The following LINS1 variants were observed in gnomAD, a reference collection of about 807,000 sequenced individuals.
LINS1 encodes the protein lines homolog 1, also known as protein Lines homolog 1.
In LINS1, 27 loss-of-function variants were observed where a neutral mutation model predicts 41.6. The observed-to-expected ratio is 0.65, with a 90% CI of 0.48 to 0.89. LINS1 has a LOEUF of 0.89. Ranked by LOEUF, LINS1 falls within the 40% of genes least tolerant of loss-of-function variation. The pLI is 0.00. For synonymous variants in LINS1, 336 were observed against 312.9 expected, an observed-to-expected ratio of 1.07 and a Z score of -0.78; for missense variants, 955 against 884.1, an observed-to-expected ratio of 1.08 and a Z score of -1.02.
At chr15:100,586,232 T>G (rs1483663495) in intron 1 of LINS1, 1 of 152,254 alleles carries the variant, frequency 6.6e-6, no homozygotes, top group Non-Finnish European at 1.5e-5. Context: ...ACCTGTGACC[T>G]GGAAGCCCCC....
At chr15:100,590,093 T>G (rs1242076245) in intron 1 of LINS1, among the ~76,000 whole-genome samples, 1 of 152,116 alleles carries the variant, frequency 6.6e-6, no homozygotes, top group Non-Finnish European at 1.5e-5. Flanking sequence ...ACCCTTAAGG[T>G]AAAGCTAACC....
intron 5 of LINS1, chr15:100,573,389 T>C: frequency 7.9e-7 from 1 of 1,261,494 alleles, no homozygotes; most frequent in Non-Finnish European, 1.0e-6. Context: ...TCACTTACTT[T>C]GAGATGACTC....
At chr15:100,598,760 C>A (rs2039352017) in intron 1 of LINS1, among the ~76,000 whole-genome samples, 1 of 152,208 alleles carries the variant, frequency 6.6e-6, no homozygotes, top group South Asian at 2.1e-4. Flanking sequence ...AAATGATGGG[C>A]TCCAAACTGT....
chr15:100,579,691 GA>G (rs35336764), intron 3 of LINS1, among the ~76,000 whole-genome samples: 59,090 of 151,912 alleles, frequency 0.39, 12,124 homozygotes, highest in Non-Finnish European at 0.47. Flanking sequence ...TCAGAGATAA[GA>G]GAAAAACTCA....
intron 1 of LINS1, among the ~76,000 whole-genome samples, chr15:100,584,264 C>T (rs2038698093): frequency 1.3e-5 from 2 of 149,384 alleles, no homozygotes; most frequent in Non-Finnish European, 3.0e-5. Flanking sequence ...TATTTAAATG[C>T]TATAGCAATA....
chr15:100,581,978 C>G (rs1266884964), intron 1 of LINS1, among the ~76,000 whole-genome samples: 1 of 152,262 alleles, frequency 6.6e-6, no homozygotes, highest in Non-Finnish European at 1.5e-5. Context: ...ATTTCACACT[C>G]TTGAAATTTA....
intron 3 of LINS1, among the ~76,000 whole-genome samples, chr15:100,576,977 C>T (rs569722018): frequency 4.6e-5 from 7 of 151,974 alleles, no homozygotes; most frequent in Admixed American, 2.0e-4. Context: ...ATTCAACAAC[C>T]CTTCATGCTA....
intron 1 of LINS1, among the ~76,000 whole-genome samples, chr15:100,585,465 T>G (rs111273603): frequency 7.4e-4 from 112 of 152,360 alleles, no homozygotes; most frequent in African/African-American, 2.6e-3. Context: ...TGCTCTCGTT[T>G]GGAACTGTTT....
intron 4 of LINS1, among the ~76,000 whole-genome samples, chr15:100,574,714 T>C (rs867161337): frequency 1.3e-5 from 2 of 152,058 alleles, no homozygotes; most frequent in Non-Finnish European, 2.9e-5. Flanking sequence ...CTCAAAAAAA[T>C]AAAACAAAAC....
At chr15:100,589,736 T>C (rs8031257) in intron 1 of LINS1, among the ~76,000 whole-genome samples, 5,477 of 152,308 alleles carry the variant, frequency 0.036, 292 homozygotes, top group African/African-American at 0.12. Context: ...TTCAGGTACA[T>C]TTGGTCACCT....
At chr15:100,575,955 A>G (rs1011998141) in intron 3 of LINS1, among the ~76,000 whole-genome samples, 2 of 152,234 alleles carry the variant, frequency 1.3e-5, no homozygotes, top group African/African-American at 4.8e-5. Flanking sequence ...AGGCAGAAAT[A>G]AAGATGTTCT....
At chr15:100,573,371 G>A (rs1427505388) in intron 5 of LINS1, 8 of 1,223,148 alleles carry the variant, frequency 6.5e-6, no homozygotes, top group Non-Finnish European at 8.3e-6. Context: ...AATATGAATT[G>A]ATTTCCATCA....
In LINS1 at chr15:100,573,192, G is replaced by A. The variant is rs547058260; in HGVS notation, c.1222+459C>T. On this transcript the variant is annotated intron_variant, in intron 5 of 6. Transcript: ENST00000314742. The stretch of plus-strand genomic sequence containing the variant: ...CTGGAGTGCAGGTGTGCGATGGGTC[G>A]CGGCTCACTGTAGCCTTGATCTCCC... 5.5e-3 allele frequency: 990 copies of A among 180,422 alleles called. 11 individuals are homozygous for A. The highest frequency in any genetic ancestry group is 0.022 in the African/African-American group (942 of 42,112). 11.2% of individuals were successfully genotyped at this position (180,422 alleles called of 1,614,324 possible).
rs764655480 is a variant in LINS1 at position 100,569,612 on chromosome 15, C to T, written c.1900G>A (p.Asp634Asn). ...QSLVDYDSSD[D>N]SDVESTEQCL... ...TGCTCTGTGGATTCCACGTCAGAATCGTCAGAGCTGTCGTAATCTACCAGA... is the reference window on the plus strand; with the variant it reads ...TGCTCTGTGGATTCCACGTCAGAATTGTCAGAGCTGTCGTAATCTACCAGA... The change falls in exon 7 of 7, where the codon GAT (aspartate) becomes AAT (asparagine). Residue 634 changes from aspartate to asparagine, a missense_variant. By Grantham distance (23) the Asp-to-Asn change is conservative. Transcript: ENST00000314742. 1.9e-6 allele frequency: 3 copies of T among 1,613,434 alleles called. No homozygotes were observed. The highest frequency in any genetic ancestry group is 1.1e-5 in the South Asian group (1 of 91,038).
At position 100,569,122 on chromosome 15, in the gene LINS1, CAAAAA is replaced by C. The variant is rs56225071; in HGVS notation, c.*111_*115del. 1.4e-4 allele frequency: 67 copies of C among 477,236 alleles called. No individual in the cohort carries two copies. The highest frequency in any genetic ancestry group is 6.3e-4 in the African/African-American group (24 of 38,126). The allele number at this position is 477,236 out of a possible 1,614,324, so 29.6% of individuals were successfully genotyped here. ...TGAGCGACAGAATGAGATTCTGTCT[CAAAAA>C]AAAAAAAAAAAAAGAAAACCCTTTT... On this transcript the variant is annotated 3_prime_UTR_variant, in exon 7 of 7. Transcript: ENST00000314742.
chr15:100,573,320 A>T (rs1263933035), intron 5 of LINS1: 2 of 1,068,178 alleles, frequency 1.9e-6, no homozygotes, highest in Non-Finnish European at 2.3e-6. Flanking sequence ...AGATTAAAAA[A>T]AAAAAAAGGA....
At chr15:100,597,364 A>T (rs562284636) in intron 1 of LINS1, among the ~76,000 whole-genome samples, 37 of 152,248 alleles carry the variant, frequency 2.4e-4, no homozygotes, top group African/African-American at 7.9e-4. Flanking sequence ...TTTAGAGATA[A>T]TTCTCAAACC....
At chr15:100,585,178 G>T (rs1344611403) in intron 1 of LINS1, among the ~76,000 whole-genome samples, 2 of 152,178 alleles carry the variant, frequency 1.3e-5, no homozygotes, top group East Asian at 3.8e-4. Context: ...GACCACCTAA[G>T]GTCAGAGACG....
At chr15:100,584,367 T>C (rs1596936369) in intron 1 of LINS1, among the ~76,000 whole-genome samples, 1 of 152,252 alleles carries the variant, frequency 6.6e-6, no homozygotes. Context: ...TTTCAACCCA[T>C]AAAAAGGGCA....
Sources: allele counts gnomAD v4.1 joint callset (sites outside exome capture counted in the v4.1 genomes callset), GRCh38; gene constraint gnomAD v4.1.1; transcripts MANE v1.5; gene names NCBI Gene and HGNC (gene_info 2026-07-23, HGNC 2026-07-21).